Variants in PPP3CA observed in about 807,000 individuals in gnomAD.
PPP3CA encodes the protein protein phosphatase 3 catalytic subunit alpha.
PPP3CA carries 14 observed loss-of-function variants against 66.5 expected under a neutral mutation model. The observed-to-expected ratio is 0.21, with a 90% CI of 0.14 to 0.33. The LOEUF is 0.33. PPP3CA is among the 10% of genes least tolerant of loss of function. The pLI, the probability that PPP3CA is intolerant of heterozygous loss-of-function variation, is 1.00. For missense variants in PPP3CA, 317 were observed against 639.5 expected, an observed-to-expected ratio of 0.50 and a Z score of 5.44; for synonymous variants, 232 against 226.2, an observed-to-expected ratio of 1.03 and a Z score of -0.23.
intron 3 of PPP3CA, among the ~76,000 whole-genome samples, chr4:101,106,876 C>A (rs940259808): frequency 3.9e-5 from 6 of 152,182 alleles, no homozygotes; most frequent in African/African-American, 1.4e-4. Context: ...CCTGGCACCA[C>A]GCTGTGCCAC....
At chr4:101,100,193 CT>C (rs1357417008) in intron 3 of PPP3CA, among the ~76,000 whole-genome samples, 2 of 151,988 alleles carry the variant, frequency 1.3e-5, no homozygotes, top group East Asian at 3.9e-4. Flanking sequence ...ACCAAAGACA[CT>C]GACAGAAAAG....
intron 9 of PPP3CA, among the ~76,000 whole-genome samples, chr4:101,061,374 T>A (rs1270117098): frequency 6.6e-6 from 1 of 152,148 alleles, no homozygotes; most frequent in Non-Finnish European, 1.5e-5. Context: ...TGATATCTAA[T>A]GGTAACATTT....
chr4:101,036,702 G>A (rs557041361), intron 11 of PPP3CA, among the ~76,000 whole-genome samples: 1 of 152,244 alleles, frequency 6.6e-6, no homozygotes, highest in Non-Finnish European at 1.5e-5. Flanking sequence ...GTGAGCCACC[G>A]CACCCAGCCT....
At chr4:101,100,501 A>G (rs1270645462) in intron 3 of PPP3CA, among the ~76,000 whole-genome samples, 2 of 152,256 alleles carry the variant, frequency 1.3e-5, no homozygotes, top group South Asian at 4.1e-4. Context: ...CAGTCTGTAA[A>G]AATGATGGTC....
At chr4:101,196,139 A>G in intron 1 of PPP3CA, 23 bp from the exon 2 acceptor site, 1 of 1,607,036 alleles carries the variant, frequency 6.2e-7, no homozygotes. Context: ...AGGTCTAATT[A>G]TTACATTAGC....
chr4:101,302,128 A>ATTTTG lies in PPP3CA; in HGVS notation c.58+44610_58+44611insCAAAA, dbSNP rs552846031. ...TAATAATGAAAAACAAAATGTATAA[A>ATTTTG]TGCTGTAGATAGAGCACTAGATTTA... is the stretch of plus-strand genomic sequence containing the variant. On this transcript the variant is annotated intron_variant, in intron 1 of 13. Transcript: ENST00000394854. 1.7e-3 allele frequency among the ~76,000 whole-genome samples: 266 copies of ATTTTG among 152,318 alleles called. 1 individual carries two copies. Among genetic ancestry groups the ATTTTG allele is most frequent in the African/African-American group, 6.2e-3 (257 of 41,586 alleles).
chr4:101,040,666 G>T, intron 10 of PPP3CA, 100 bp from the exon 11 acceptor site: 8 of 883,040 alleles, frequency 9.1e-6, no homozygotes, highest in South Asian at 2.3e-5. Context: ...AGCAAAATCA[G>T]TATTTTTTTT....
chr4:101,025,896 C>T lies in PPP3CA; in HGVS notation c.1535G>A (p.Ser512Asn). 6.4e-7 allele frequency: 1 copy of T among 1,553,878 alleles called. No homozygotes were observed. Among genetic ancestry groups the T allele is most frequent in the Non-Finnish European group, 8.7e-7 (1 of 1,146,000 alleles). ...ALTSETNGTDSNGSNSSNIQ is the reference protein window; with the variant it reads ...ALTSETNGTDNNGSNSSNIQ The stretch of plus-strand genomic sequence containing the variant: ...AATATTGCTGCTATTACTGCCATTG[C>T]TGTCCGTGCCGTTAGTCTCTGAGGT... The change falls in exon 14 of 14, where the codon AGC becomes AAC. Residue 512 changes from serine to asparagine, a missense_variant. Coordinates refer to ENST00000394854, the MANE Select transcript of PPP3CA (RefSeq NM_000944.5).
intron 1 of PPP3CA, among the ~76,000 whole-genome samples, chr4:101,276,184 C>T (rs1727490674): frequency 6.6e-6 from 1 of 152,040 alleles, no homozygotes; most frequent in Non-Finnish European, 1.5e-5. Flanking sequence ...CTTGAATCAC[C>T]GCTCCTGGCC....
intron 10 of PPP3CA, among the ~76,000 whole-genome samples, chr4:101,050,445 T>A (rs1727959632): frequency 6.6e-6 from 1 of 152,142 alleles, no homozygotes; most frequent in Admixed American, 6.6e-5. Context: ...CCCAGCACTA[T>A]CATTTACCAG....
chr4:101,163,475 C>G (rs1297678827), intron 2 of PPP3CA, among the ~76,000 whole-genome samples: 4 of 152,128 alleles, frequency 2.6e-5, no homozygotes. Context: ...GTAGCATAGA[C>G]AGTGTGGTCT....
chr4:101,111,038 G>A (rs189444817), intron 2 of PPP3CA, among the ~76,000 whole-genome samples: 2 of 152,170 alleles, frequency 1.3e-5, no homozygotes, highest in Admixed American at 1.3e-4. Flanking sequence ...AATAGGCAAG[G>A]ATAAAGCTTA....
rs910273710 is a variant in PPP3CA, at chr4:101,228,656, G to C, written c.59-32540C>G. ...TCCTGCCAAAAAAATAATTTTTGTG[G>C]ATTAGAGGCATGTACTGCAATTCAC... On this transcript the variant is annotated intron_variant, in intron 1 of 13. Coordinates refer to ENST00000394854, the MANE Select transcript of PPP3CA (RefSeq NM_000944.5). Among the ~76,000 whole-genome samples the C allele has an allele frequency of 4.6e-5, 7 of 151,508 alleles. No individual in the cohort carries two copies. In the Admixed American group the frequency reaches 4.6e-4, roughly 10 times the overall value.
chr4:101,025,844 A>AGT lies in PPP3CA; in HGVS notation c.*20_*21insAC. The AGT allele has an allele frequency of 7.0e-7, 1 of 1,428,036 alleles. No individual in the cohort carries two copies. The highest frequency in any genetic ancestry group is 9.3e-7 in the Non-Finnish European group (1 of 1,075,908). The allele number at this position is 1,428,036 out of a possible 1,614,324, so 88.5% of individuals were successfully genotyped here. On this transcript the variant is annotated 3_prime_UTR_variant, in exon 14 of 14. Coordinates refer to ENST00000394854, the MANE Select transcript of PPP3CA (RefSeq NM_000944.5). ...TCAAAAAAAAAAAAAAAAAAAAAAAAAAAAAGTGAACAGGAAGTGGTCACT... is the reference window on the plus strand; with the variant it reads ...TCAAAAAAAAAAAAAAAAAAAAAAAAGTAAAAAGTGAACAGGAAGTGGTCACT...
chr4:101,315,019 T>G (rs571898700), intron 1 of PPP3CA, among the ~76,000 whole-genome samples: 1 of 152,292 alleles, frequency 6.6e-6, no homozygotes, highest in East Asian at 1.9e-4. Context: ...CATCTGGATA[T>G]TTGTGCTCCC....
intron 2 of PPP3CA, among the ~76,000 whole-genome samples, chr4:101,142,170 T>C (rs72915983): frequency 3.9e-5 from 6 of 152,300 alleles, no homozygotes; most frequent in South Asian, 2.1e-4. Context: ...CAAAGTATAC[T>C]AGAAACGGTA....
At chr4:101,174,340 T>C (rs2659504) in intron 2 of PPP3CA, among the ~76,000 whole-genome samples, 22,089 of 152,144 alleles carry the variant, frequency 0.15, 2,071 homozygotes, top group East Asian at 0.29. Flanking sequence ...GTTAATTTTT[T>C]CATTAAGATA....
At chr4:101,208,817 T>G (rs977222297) in intron 1 of PPP3CA, among the ~76,000 whole-genome samples, 1 of 152,220 alleles carries the variant, frequency 6.6e-6, no homozygotes, top group African/African-American at 2.4e-5. Flanking sequence ...TAGAAGGTTC[T>G]CATTCCCAAA....
At position 101,051,990 on chromosome 4, in the gene PPP3CA, T is replaced by C. The variant is rs141962305; in HGVS notation, c.1156+9097A>G. Among the ~76,000 whole-genome samples, 3 of 152,202 alleles carry C rather than the reference T, an allele frequency of 2.0e-5. No homozygotes were observed. The East Asian group carries it at 5.8e-4, about 29-fold the overall frequency. ...ATAATATGCTGGCCAATGGTGGACA[T>C]TATCCAGCCAATTAGCTGCAACAGG... is the stretch of plus-strand genomic sequence containing the variant. On this transcript the variant is annotated intron_variant, in intron 10 of 13. Transcript: ENST00000394854.
Sources: gnomAD v4.1 joint callset for allele counts (sites outside exome capture counted in the v4.1 genomes callset) on GRCh38, gnomAD v4.1.1 for gene constraint, MANE v1.5 for transcripts, NCBI Gene and HGNC (gene_info 2026-07-23, HGNC 2026-07-21) for gene names.